Variants in MGAT4C observed in about 807,000 individuals in gnomAD.
MGAT4C encodes alpha-1,3-mannosyl-glycoprotein 4-beta-N-acetylglucosaminyltransferase C.
MGAT4C carries 19 observed loss-of-function variants against 40.1 expected under a neutral mutation model. That is an observed-to-expected ratio of 0.47 (90% CI 0.33 to 0.70). The LOEUF is 0.70. Among genes scored for constraint, MGAT4C ranks in the 30% least tolerant of loss-of-function variants. MGAT4C has a pLI of 0.02. For synonymous variants in MGAT4C, 181 were observed against 187.1 expected (o/e 0.97, Z 0.27); for missense variants, 491 against 563.2 (o/e 0.87, Z 1.30).
rs1952353469 is a variant in MGAT4C, at chr12:86,806,382, T to C, written c.-262+32284A>G. ...ATAAAACAACAACTAACATTGGTGT[T>C]TGTACAATTCATGGATCTTACTCAG... On this transcript the variant is annotated intron_variant, in intron 1 of 7. Transcript: ENST00000548651. 2.0e-5 allele frequency among the ~76,000 whole-genome samples: 3 copies of C among 151,958 alleles called. No individual in the cohort carries two copies. The South Asian group carries it at 6.2e-4, about 32-fold the overall frequency.
chr12:86,124,853 T>C (rs1879992803), intron 1 of MGAT4C, among the ~76,000 whole-genome samples: 1 of 152,158 alleles, frequency 6.6e-6, no homozygotes, highest in Admixed American at 6.6e-5. Context: ...AATTTCCCTG[T>C]AGAGGTGAGG....
intron 3 of MGAT4C, among the ~76,000 whole-genome samples, chr12:86,349,718 T>C (rs1021494557): frequency 1.3e-5 from 2 of 152,124 alleles, no homozygotes; most frequent in Non-Finnish European, 2.9e-5. Flanking sequence ...AAGAAGCAGA[T>C]TTCATACATT....
chr12:86,492,469 C>T (rs1245455217), intron 2 of MGAT4C, among the ~76,000 whole-genome samples: 1 of 152,062 alleles, frequency 6.6e-6, no homozygotes. Context: ...TGGAACAGAA[C>T]AGAGCCCTCA....
chr12:86,403,374 T>A (rs945102637), intron 3 of MGAT4C, among the ~76,000 whole-genome samples: 3 of 152,236 alleles, frequency 2.0e-5, no homozygotes, highest in African/African-American at 7.2e-5. Flanking sequence ...GAAAAATATA[T>A]GCAAATACCC....
intron 1 of MGAT4C, among the ~76,000 whole-genome samples, chr12:86,743,050 GTGTGTA>G (rs1245916759): frequency 1.3e-5 from 2 of 150,516 alleles, no homozygotes; most frequent in Non-Finnish European, 3.0e-5. Flanking sequence ...TGTTTTGCAT[GTGTGTA>G]TGTGTATGTG....
At chr12:86,021,316 T>G (rs1028212491) in intron 2 of MGAT4C, among the ~76,000 whole-genome samples, 2 of 151,854 alleles carry the variant, frequency 1.3e-5, no homozygotes, top group East Asian at 1.9e-4. Context: ...CTATTCACAA[T>G]AGCAAAGACT....
intron 2 of MGAT4C, among the ~76,000 whole-genome samples, chr12:86,692,020 T>C (rs1352487387): frequency 1.3e-5 from 2 of 152,126 alleles, no homozygotes; most frequent in Non-Finnish European, 2.9e-5. Flanking sequence ...TTAGTCACAG[T>C]TGAAGAGGAA....
chr12:86,318,446 G>A (rs939306182), intron 4 of MGAT4C, among the ~76,000 whole-genome samples: 1 of 152,180 alleles, frequency 6.6e-6, no homozygotes, highest in African/African-American at 2.4e-5. Context: ...GGAAGTGTTG[G>A]TGCTGGCACC....
chr12:86,180,168 T>C (rs1887953856), intron 1 of MGAT4C, among the ~76,000 whole-genome samples: 1 of 152,200 alleles, frequency 6.6e-6, no homozygotes, highest in Admixed American at 6.5e-5. Flanking sequence ...CCCCAAGCCT[T>C]GGCAGCTTTC....
chr12:86,328,054 A>G (rs539660584), intron 4 of MGAT4C, among the ~76,000 whole-genome samples: 4 of 152,138 alleles, frequency 2.6e-5, no homozygotes, highest in African/African-American at 9.6e-5. Context: ...GTGTCATTTT[A>G]TTGGAGCTCA....
At chr12:86,838,722 TG>T (rs1419762325) in exon 1 of MGAT4C, 1 of 152,188 alleles carries the variant, frequency 6.6e-6, no homozygotes, top group African/African-American at 2.4e-5. Flanking sequence ...CAATATCCTC[TG>T]ATCTATTGCC....
At chr12:86,642,138 T>C (rs541692270) in intron 2 of MGAT4C, among the ~76,000 whole-genome samples, 3 of 151,812 alleles carry the variant, frequency 2.0e-5, no homozygotes, top group Non-Finnish European at 2.9e-5. Context: ...GATATGGAGA[T>C]AAGAAGGAAT....
At chr12:86,755,102 G>A (rs557500039) in intron 1 of MGAT4C, among the ~76,000 whole-genome samples, 1 of 152,224 alleles carries the variant, frequency 6.6e-6, no homozygotes, top group South Asian at 2.1e-4. Context: ...ACAATCAGTT[G>A]ACTTTAACAT....
At position 86,662,097 on chromosome 12, in the gene MGAT4C, T is replaced by C. The variant is rs150233855; in HGVS notation, c.-229+65112A>G. Reference sequence around the variant, plus strand: ...TCTACTTTTAATTCTAGCCTTCATTTTGAGTCAGGAAGACATGAAGACCCC... The same window carrying C: ...TCTACTTTTAATTCTAGCCTTCATTCTGAGTCAGGAAGACATGAAGACCCC... On this transcript the variant is annotated intron_variant, in intron 2 of 7. Coordinates refer to the MGAT4C transcript ENST00000548651. Among the ~76,000 whole-genome samples, 141 of 152,252 alleles carry C rather than the reference T, an allele frequency of 9.3e-4. 2 individuals carry two copies. The East Asian group carries it at 0.025, about 27-fold the overall frequency.
chr12:86,835,857 A>G (rs1404976059), intron 1 of MGAT4C, among the ~76,000 whole-genome samples: 1 of 151,298 alleles, frequency 6.6e-6, no homozygotes, highest in African/African-American at 2.4e-5. Flanking sequence ...ACCCCCCTCC[A>G]CACACACACA....
At chr12:86,039,160 T>G (rs920528147) in intron 2 of MGAT4C, among the ~76,000 whole-genome samples, 8 of 152,192 alleles carry the variant, frequency 5.3e-5, no homozygotes, top group Non-Finnish European at 1.2e-4. Context: ...ATTTTTTTCC[T>G]TCATTTCAAC....
At chr12:86,308,954 A>AT in intron 4 of MGAT4C, among the ~76,000 whole-genome samples, 1 of 150,630 alleles carries the variant, frequency 6.6e-6, no homozygotes, top group Non-Finnish European at 1.5e-5. Context: ...AGAGAGCTAT[A>AT]TTTTTTGAAG....
In MGAT4C at chr12:86,663,071, T is replaced by C. The variant is rs1363467129; in HGVS notation, c.-229+64138A>G. The stretch of plus-strand genomic sequence containing the variant: ...TTAATTGATTAGATGACCATTCACA[T>C]AAAAATAAGGGCCAGGAACTGTGGC... On this transcript the variant is annotated intron_variant, in intron 2 of 7. Coordinates refer to the MGAT4C transcript ENST00000548651. Among the ~76,000 whole-genome samples the C allele has an allele frequency of 2.6e-5, 4 of 152,008 alleles. No homozygotes were observed. The South Asian group carries it at 6.2e-4, about 24-fold the overall frequency.
At chr12:86,118,942 G>C (rs538508381) in intron 1 of MGAT4C, among the ~76,000 whole-genome samples, 101 of 152,102 alleles carry the variant, frequency 6.6e-4, no homozygotes, top group African/African-American at 2.3e-3. Flanking sequence ...TAAAATGGAT[G>C]TATAATTTCA....
Sources: allele counts gnomAD v4.1 joint callset (sites outside exome capture counted in the v4.1 genomes callset), GRCh38; gene constraint gnomAD v4.1.1; transcripts MANE v1.5; gene names NCBI Gene and HGNC (gene_info 2026-07-23, HGNC 2026-07-21).